Variants in FAM228B observed in about 807,000 individuals in gnomAD.
FAM228B encodes the protein protein FAM228B.
FAM228B carries 38 observed loss-of-function variants against 42.6 expected under a neutral mutation model. The ratio of observed to expected loss-of-function variants is 0.89; its 90% confidence interval spans 0.69 to 1.17. FAM228B has a LOEUF of 1.17. Among genes scored for constraint, FAM228B ranks in the 50% most tolerant of loss-of-function variants. The probability of loss-of-function intolerance (pLI) is 0.00; values close to 1 mark genes in which losing one functional copy is unlikely to be tolerated. For missense variants in FAM228B, 344 were observed against 367.3 expected, an observed-to-expected ratio of 0.94 and a Z score of 0.52; for synonymous variants, 109 against 122.3, an observed-to-expected ratio of 0.89 and a Z score of 0.72.
intron 2 of FAM228B, among the ~76,000 whole-genome samples, chr2:24,091,591 C>T (rs1255175493): frequency 6.6e-6 from 1 of 152,122 alleles, no homozygotes; most frequent in Non-Finnish European, 1.5e-5. Flanking sequence ...TATTCTACTT[C>T]AGTTAAGCAA....
chr2:24,163,627 A>C (rs927130119), intron 8 of FAM228B, among the ~76,000 whole-genome samples: 2 of 152,196 alleles, frequency 1.3e-5, no homozygotes, highest in Admixed American at 1.3e-4. Flanking sequence ...TGTTTGGGTA[A>C]GATTTTACAA....
chr2:24,165,254 G>C, intron 9 of FAM228B: 1 of 370,136 alleles, frequency 2.7e-6, no homozygotes, highest in Admixed American at 2.8e-5. Flanking sequence ...AGTTTGCAGG[G>C]CTTGTACTGG....
chr2:24,128,350 A>G (rs1473273978), intron 2 of FAM228B, among the ~76,000 whole-genome samples: 1 of 152,172 alleles, frequency 6.6e-6, no homozygotes, highest in Admixed American at 6.5e-5. Context: ...TGGCCTCCCA[A>G]AGCACTGGGA....
chr2:24,127,825 G>A (rs1666354317), intron 2 of FAM228B, among the ~76,000 whole-genome samples: 1 of 152,116 alleles, frequency 6.6e-6, no homozygotes, highest in African/African-American at 2.4e-5. Context: ...ACCATGCCCA[G>A]CTAATTTTTG....
chr2:24,111,671 T>C (rs995927842), intron 3 of FAM228B, among the ~76,000 whole-genome samples: 3 of 152,112 alleles, frequency 2.0e-5, no homozygotes, highest in Non-Finnish European at 2.9e-5. Flanking sequence ...CTGTCCAACA[T>C]CACCATGATT....
intron 9 of FAM228B, chr2:24,165,507 T>C (rs1667383456): frequency 2.3e-5 from 11 of 470,382 alleles, no homozygotes; most frequent in Non-Finnish European, 4.4e-5. Context: ...CACGGTCAGC[T>C]GCATGCCTGT....
intron 2 of FAM228B, chr2:24,085,633 C>T (rs1665219632): frequency 1.3e-5 from 2 of 152,060 alleles, no homozygotes; most frequent in Non-Finnish European, 2.9e-5. Context: ...AGATAGAATC[C>T]CCCTTACCCC....
intron 2 of FAM228B, among the ~76,000 whole-genome samples, chr2:24,091,846 T>C (rs945359457): frequency 7.2e-5 from 11 of 152,198 alleles, no homozygotes; most frequent in African/African-American, 2.7e-4. Flanking sequence ...AATTTGGTTA[T>C]AATGCCAACA....
intron 1 of FAM228B, among the ~76,000 whole-genome samples, chr2:24,078,754 A>C (rs1664868242): frequency 6.6e-6 from 1 of 152,254 alleles, no homozygotes; most frequent in Non-Finnish European, 1.5e-5. Flanking sequence ...GGACTCATAT[A>C]GGCTTAGTGA....
intron 3 of FAM228B, among the ~76,000 whole-genome samples, chr2:24,116,512 CAG>C (rs1482149237): frequency 6.6e-6 from 1 of 151,956 alleles, no homozygotes; most frequent in Non-Finnish European, 1.5e-5. Flanking sequence ...TTTTTTTATA[CAG>C]AGTCTTGCAG....
Position 24,167,631 on chromosome 2 carries a change from C to T in FAM228B, c.937C>T (p.Pro313Ser). Residue 313 changes from proline (P) to serine (S), a missense_variant, in exon 10 of 11, where the codon CCC becomes TCC. Physicochemically the swap from Pro to Ser is moderately conservative, Grantham distance 74. Transcript: ENST00000615575. ...QEREEDQDGS[P>S]SPRLGLLKLE... ...AAGCTTCAATCTTCATTTAAGGTCT[C>T]CCTCCCCGCGTTTGGGGCTGCTGAA... 2 of 1,551,514 alleles carry T rather than the reference C, an allele frequency of 1.3e-6. No individual in the cohort carries two copies. Among genetic ancestry groups the T allele is most frequent in the Non-Finnish European group, 1.7e-6 (2 of 1,146,886 alleles).
chr2:24,081,265 T>TCTTATTGCCA (rs1241418742), intron 2 of FAM228B, among the ~76,000 whole-genome samples: 26 of 152,230 alleles, frequency 1.7e-4, no homozygotes, highest in African/African-American at 6.0e-4. Flanking sequence ...ACCTTTTCTG[T>TCTTATTGCCA]CTTATTGCCT....
intron 3 of FAM228B, among the ~76,000 whole-genome samples, chr2:24,101,477 ATAT>A (rs1202652129): frequency 6.6e-6 from 1 of 152,056 alleles, no homozygotes; most frequent in Admixed American, 6.6e-5. Flanking sequence ...TATTATTATG[ATAT>A]TATTAGTCCA....
At chr2:24,116,683 C>G (rs1455504098) in intron 3 of FAM228B, among the ~76,000 whole-genome samples, 1 of 151,772 alleles carries the variant, frequency 6.6e-6, no homozygotes, top group Admixed American at 6.6e-5. Context: ...GGTGAAACCC[C>G]GTCTCTACTA....
At chr2:24,155,131 T>A (rs1194779629) in intron 7 of FAM228B, among the ~76,000 whole-genome samples, 1 of 152,096 alleles carries the variant, frequency 6.6e-6, no homozygotes, top group East Asian at 1.9e-4. Context: ...GAATATTGAT[T>A]TTATAGTGAG....
chr2:24,079,337 GA>G, intron 1 of FAM228B: 1 of 1,253,574 alleles, frequency 8.0e-7, no homozygotes, highest in Middle Eastern at 2.1e-4. Flanking sequence ...TTTCTTCATA[GA>G]AACTAACCTC....
intron 2 of FAM228B, among the ~76,000 whole-genome samples, chr2:24,125,494 G>A (rs77419600): frequency 0.071 from 10,776 of 152,210 alleles, 516 homozygotes; most frequent in Middle Eastern, 0.13. Flanking sequence ...ATATTCTGTT[G>A]TAATCCCTCC....
intron 7 of FAM228B, 68 bp from the exon 8 acceptor site, chr2:24,161,438 A>G (rs897804149): frequency 1.8e-5 from 17 of 932,186 alleles, no homozygotes; most frequent in Non-Finnish European, 2.5e-5. Flanking sequence ...AGCAACAGAG[A>G]TCTTGTCTCA....
intron 5 of FAM228B, among the ~76,000 whole-genome samples, chr2:24,145,142 C>T (rs900566953): frequency 6.6e-5 from 10 of 152,214 alleles, no homozygotes; most frequent in African/African-American, 2.2e-4. Flanking sequence ...CCACTGCATG[C>T]ACCCAAGCAA....
Sources: gnomAD v4.1 joint callset for allele counts (sites outside exome capture counted in the v4.1 genomes callset) on GRCh38, gnomAD v4.1.1 for gene constraint, MANE v1.5 for transcripts, NCBI Gene and HGNC (gene_info 2026-07-23, HGNC 2026-07-21) for gene names.